Variants in PACRG observed in about 807,000 individuals in gnomAD.
The protein encoded by PACRG is parkin coregulated.
In PACRG, 29 loss-of-function variants were observed where a neutral mutation model predicts 29.7. The ratio of observed to expected loss-of-function variants is 0.98; its 90% CI spans 0.73 to 1.33. The LOEUF is 1.33. Ranked by LOEUF, PACRG falls within the 40% of genes most tolerant of loss-of-function variation. The pLI, the probability that PACRG is intolerant of heterozygous loss-of-function variation, is 0.00. For synonymous variants in PACRG, 116 were observed against 118.7 expected, an observed-to-expected ratio of 0.98 and a Z score of 0.15; for missense variants, 279 against 316.2, an observed-to-expected ratio of 0.88 and a Z score of 0.89.
intron 4 of PACRG, among the ~76,000 whole-genome samples, chr6:163,106,063 A>T (rs761646488): frequency 2.0e-5 from 3 of 152,154 alleles, no homozygotes; most frequent in Admixed American, 6.5e-5. Flanking sequence ...AGCTGTTTTC[A>T]TGAATCATCT....
chr6:163,016,618 G>C (rs112255038), intron 2 of PACRG, among the ~76,000 whole-genome samples: 5 of 151,980 alleles, frequency 3.3e-5, no homozygotes, highest in African/African-American at 1.2e-4. Context: ...ATATGGGGTC[G>C]AAATGAATCT....
intron 2 of PACRG, among the ~76,000 whole-genome samples, chr6:162,965,940 G>A (rs1195823623): frequency 4.6e-5 from 7 of 152,176 alleles, no homozygotes; most frequent in African/African-American, 1.7e-4. Flanking sequence ...GATGGGAGAC[G>A]AAATGCATCC....
intron 4 of PACRG, among the ~76,000 whole-genome samples, chr6:163,127,042 A>G (rs1185540542): frequency 6.6e-6 from 1 of 152,102 alleles, no homozygotes; most frequent in Non-Finnish European, 1.5e-5. Flanking sequence ...CACACGTACA[A>G]CTCTGAGGAG....
At chr6:162,822,686 G>C (rs1787942663) in intron 2 of PACRG, among the ~76,000 whole-genome samples, 1 of 151,838 alleles carries the variant, frequency 6.6e-6, no homozygotes, top group Non-Finnish European at 1.5e-5. Context: ...AAAAAAACAG[G>C]TATATGGTTT....
chr6:162,802,746 C>T (rs1785983146), intron 1 of PACRG, among the ~76,000 whole-genome samples: 2 of 152,130 alleles, frequency 1.3e-5, no homozygotes, highest in African/African-American at 4.8e-5. Flanking sequence ...TGGATACTTT[C>T]AGTCCTCCTC....
intron 1 of PACRG, among the ~76,000 whole-genome samples, chr6:162,790,054 A>G (rs1293597645): frequency 1.3e-5 from 2 of 152,172 alleles, no homozygotes; most frequent in African/African-American, 4.8e-5. Flanking sequence ...ATCTGTGGGG[A>G]GAGAGAGTCT....
chr6:163,226,710 G>C (rs1252217226), intron 4 of PACRG, among the ~76,000 whole-genome samples: 1 of 152,190 alleles, frequency 6.6e-6, no homozygotes, highest in Non-Finnish European at 1.5e-5. Flanking sequence ...CCCAGGGTGA[G>C]ACCCAGCCAT....
At chr6:162,869,209 A>G (rs1562681120) in intron 2 of PACRG, among the ~76,000 whole-genome samples, 1 of 152,224 alleles carries the variant, frequency 6.6e-6, no homozygotes, top group Non-Finnish European at 1.5e-5. Flanking sequence ...GGGCGGCTCC[A>G]AGATCCCTCT....
chr6:163,261,628 C>T (rs1783329432), intron 4 of PACRG, among the ~76,000 whole-genome samples: 1 of 152,242 alleles, frequency 6.6e-6, no homozygotes, highest in African/African-American at 2.4e-5. Context: ...CCCTGCTGGT[C>T]AGCCCTGCTG....
chr6:163,019,407 A>C, intron 2 of PACRG, among the ~76,000 whole-genome samples: 1 of 150,396 alleles, frequency 6.6e-6, no homozygotes, highest in African/African-American at 2.5e-5. Context: ...TCTTTCTTTT[A>C]CTCCTCTGGA....
chr6:163,028,650 T>A (rs1307951351), intron 2 of PACRG, among the ~76,000 whole-genome samples: 1 of 152,242 alleles, frequency 6.6e-6, no homozygotes, highest in Non-Finnish European at 1.5e-5. Context: ...ATATAAAGTT[T>A]AAATGATCAA....
chr6:162,793,575 A>G (rs1785129514), intron 1 of PACRG, among the ~76,000 whole-genome samples: 1 of 152,204 alleles, frequency 6.6e-6, no homozygotes, highest in Admixed American at 6.5e-5. Context: ...CTGGACAAGA[A>G]GAAGGAAGAA....
chr6:163,173,072 C>G (rs1444933180), intron 4 of PACRG, among the ~76,000 whole-genome samples: 1 of 152,080 alleles, frequency 6.6e-6, no homozygotes, highest in Non-Finnish European at 1.5e-5. Flanking sequence ...CCATATAATA[C>G]AGTCTTAGTT....
intron 2 of PACRG, among the ~76,000 whole-genome samples, chr6:163,010,017 T>G (rs917149569): frequency 2.3e-4 from 35 of 152,230 alleles, no homozygotes; most frequent in African/African-American, 8.2e-4. Flanking sequence ...CTAAACTTTG[T>G]GGCCTTGTTA....
chr6:163,243,702 A>T (rs1782589125), intron 4 of PACRG, among the ~76,000 whole-genome samples: 1 of 152,202 alleles, frequency 6.6e-6, no homozygotes, highest in African/African-American at 2.4e-5. Context: ...GAAGATGCTT[A>T]GAGTCTAAAA....
chr6:163,108,101 A>T (rs184134348), intron 4 of PACRG, among the ~76,000 whole-genome samples: 1 of 152,186 alleles, frequency 6.6e-6, no homozygotes, highest in Non-Finnish European at 1.5e-5. Flanking sequence ...CCCAAATCTC[A>T]TGTCAAATTG....
At chr6:163,032,986 T>C (rs1278991691) in intron 2 of PACRG, among the ~76,000 whole-genome samples, 2 of 152,228 alleles carry the variant, frequency 1.3e-5, no homozygotes, top group Admixed American at 1.3e-4. Context: ...ATGCAGACTC[T>C]CTTACAATTA....
intron 3 of PACRG, among the ~76,000 whole-genome samples, chr6:163,063,501 C>A (rs1263059592): frequency 6.6e-6 from 1 of 152,230 alleles, no homozygotes; most frequent in African/African-American, 2.4e-5. Flanking sequence ...ATAGGGTCAT[C>A]TCCCAGAGTC....
intron 1 of PACRG, among the ~76,000 whole-genome samples, chr6:162,774,285 T>C (rs530352344): frequency 6.6e-6 from 1 of 152,340 alleles, no homozygotes; most frequent in East Asian, 1.9e-4. Flanking sequence ...GACTCAATTA[T>C]GAACAAAAGG....
Sources: allele counts gnomAD v4.1 joint callset (sites outside exome capture counted in the v4.1 genomes callset), GRCh38; gene constraint gnomAD v4.1.1; transcripts MANE v1.5; gene names NCBI Gene and HGNC (gene_info 2026-07-23, HGNC 2026-07-21).